The following LAMB4 variants were observed in gnomAD, a reference collection of about 807,000 sequenced individuals.
LAMB4 encodes the protein laminin subunit beta 4, also known as laminin subunit beta-4.
A neutral mutation model predicts 199.2 loss-of-function variants in LAMB4; 196 were observed. That is an observed-to-expected ratio of 0.98 (90% CI 0.88 to 1.11). LAMB4 has a LOEUF of 1.11. Among genes scored for constraint, LAMB4 ranks in the 50% least tolerant of loss-of-function variants. The probability of loss-of-function intolerance (pLI) is 0.00; values close to 1 mark genes in which losing one functional copy is unlikely to be tolerated. For synonymous variants in LAMB4, 744 were observed against 770.6 expected, an observed-to-expected ratio of 0.97 and a Z score of 0.57; for missense variants, 2,080 against 2,171.2, an observed-to-expected ratio of 0.96 and a Z score of 0.83.
intron 31 of LAMB4, 27 bp from the exon 32 acceptor site, chr7:108,031,006 G>A: frequency 6.3e-7 from 1 of 1,592,836 alleles, no homozygotes; most frequent in Non-Finnish European, 8.6e-7. Flanking sequence ...GACCAAAAAG[G>A]GAAAATCTCT....
At chr7:108,063,057 T>C (rs560815631) in intron 22 of LAMB4, 63 bp from the exon 23 acceptor site, 6 of 1,106,962 alleles carry the variant, frequency 5.4e-6, no homozygotes, top group East Asian at 2.7e-5. Flanking sequence ...TAGCAAACCA[T>C]ACAAACAGCG....
rs114598607 is a variant in LAMB4 at position 108,040,488 on chromosome 7, C to T, written c.4472-2893G>A. Among the ~76,000 whole-genome samples, 931 of 152,278 alleles carry T rather than the reference C, an allele frequency of 6.1e-3. 10 individuals are homozygous for T. Among genetic ancestry groups the T allele is most frequent in the African/African-American group, 0.02 (834 of 41,576 alleles). On this transcript the variant is annotated intron_variant, in intron 29 of 33. Transcript: ENST00000388781. The stretch of plus-strand genomic sequence containing the variant: ...GCAAAATGAACACAGCTAGAGACAT[C>T]GTGCTATCTGACTTCAAGCTGTAAT...
chr7:108,127,843 T>C (rs2038849007), intron 1 of LAMB4, among the ~76,000 whole-genome samples: 1 of 152,098 alleles, frequency 6.6e-6, no homozygotes, highest in African/African-American at 2.4e-5. Flanking sequence ...TACAGGACAT[T>C]TGGCAATGTT....
intron 17 of LAMB4, among the ~76,000 whole-genome samples, chr7:108,072,636 C>T (rs1394364182): frequency 6.6e-6 from 1 of 152,116 alleles, no homozygotes; most frequent in Non-Finnish European, 1.5e-5. Flanking sequence ...ACCTCTAACC[C>T]CATGCTCTCA....
At chr7:108,129,851 T>C (rs1029044773) in intron 1 of LAMB4, among the ~76,000 whole-genome samples, 1 of 152,260 alleles carries the variant, frequency 6.6e-6, no homozygotes, top group Non-Finnish European at 1.5e-5. Flanking sequence ...CTTTTAGTTA[T>C]AGCAGACTTG....
chr7:108,084,286 T>C (rs540973091), intron 14 of LAMB4, among the ~76,000 whole-genome samples: 1 of 152,148 alleles, frequency 6.6e-6, no homozygotes, highest in African/African-American at 2.4e-5. Flanking sequence ...TTATGACTCA[T>C]CAGAATCCTG....
chr7:108,059,144 C>T lies in LAMB4; in HGVS notation c.3283-1216G>A, dbSNP rs183758884. On this transcript the variant is annotated intron_variant, in intron 23 of 33. Coordinates refer to ENST00000388781, the MANE Select transcript of LAMB4 (RefSeq NM_007356.3). ...TTTTTGAGATGGAGTCTTGCTCAGT[C>T]GCCCAAGCTGGAGTGCAGTGGCGTG... Among the ~76,000 whole-genome samples the T allele has an allele frequency of 3.8e-3, 487 of 128,214 alleles. 2 individuals carry two copies. Among genetic ancestry groups the T allele is most frequent in the African/African-American group, 0.013 (461 of 35,656 alleles). 84.1% of individuals were successfully genotyped at this position (128,214 alleles called of 152,430 possible). A position where few individuals can be genotyped will look rare whatever the true frequency, so the allele number is the denominator to read the frequency against.
intron 29 of LAMB4, among the ~76,000 whole-genome samples, chr7:108,039,960 G>T (rs760251298): frequency 4.6e-5 from 7 of 152,200 alleles, no homozygotes; most frequent in Admixed American, 1.3e-4. Flanking sequence ...AATAGGAAGA[G>T]AGGAAGTCAA....
chr7:108,120,801 G>C (rs995170868), intron 2 of LAMB4, among the ~76,000 whole-genome samples: 2 of 151,980 alleles, frequency 1.3e-5, no homozygotes, highest in African/African-American at 4.8e-5. Context: ...GTTCCATCCT[G>C]GATTTTTTTT....
Position 108,118,435 on chromosome 7 carries a change from T to C in LAMB4, c.35-2274A>G, listed in dbSNP as rs377246966. Among the ~76,000 whole-genome samples the C allele has an allele frequency of 3.9e-5, 6 of 152,078 alleles. No homozygotes were observed. In the South Asian group the frequency reaches 1.2e-3, roughly 31 times the overall value. On this transcript the variant is annotated intron_variant, in intron 2 of 33. Transcript: ENST00000388781. Reference sequence around the variant, plus strand: ...CGATTTTGGCAGAGGAAAAGACACCTAGATCAATGGAACAGAATAGAGAAC... The same window carrying C: ...CGATTTTGGCAGAGGAAAAGACACCCAGATCAATGGAACAGAATAGAGAAC...
rs142244294 is a variant in LAMB4, at chr7:108,067,459, G to A, written c.2446+557C>T. 1.7e-4 allele frequency among the ~76,000 whole-genome samples: 26 copies of A among 152,372 alleles called. No homozygotes were observed. In the East Asian group the frequency reaches 5.0e-3, roughly 29 times the overall value. On this transcript the variant is annotated intron_variant, in intron 19 of 33. Transcript: ENST00000388781. ...CTATATACCTGAACATATTAGCCAT[G>A]AGAGCTGTATTATCAGCTGTGGATG...
chr7:108,069,668 A>C, intron 18 of LAMB4, 40 bp downstream of exon 18: 3 of 1,566,380 alleles, frequency 1.9e-6, no homozygotes, highest in Non-Finnish European at 2.6e-6. Flanking sequence ...ATTTGTATGG[A>C]TGTCAGTGCC....
Position 108,103,250 on chromosome 7 carries a change from T to C in LAMB4, c.992-18A>G. The C allele has an allele frequency of 1.3e-6, 2 of 1,532,590 alleles. No individual in the cohort carries two copies. The highest frequency in any genetic ancestry group is 1.8e-6 in the Non-Finnish European group (2 of 1,135,448). 94.9% of individuals were successfully genotyped at this position (1,532,590 alleles called of 1,614,324 possible). ...GCTGCACGCTGAAAGGAGAAGACAGTGACTGAGAGGTAGACTAAGGCCTCG... is the reference window on the plus strand; with the variant it reads ...GCTGCACGCTGAAAGGAGAAGACAGCGACTGAGAGGTAGACTAAGGCCTCG... On this transcript the variant is annotated intron_variant, in intron 9 of 33. Transcript: ENST00000388781.
intron 11 of LAMB4, among the ~76,000 whole-genome samples, chr7:108,096,702 C>T (rs1012738730): frequency 6.9e-6 from 1 of 144,432 alleles, no homozygotes; most frequent in South Asian, 2.2e-4. Context: ...GAAGGTGAGG[C>T]GGAAGGGTTG....
In LAMB4 at chr7:108,037,564, C is replaced by T. The variant is rs780001621; in HGVS notation, c.4503G>A (p.Lys1501=). The change falls in exon 30 of 34, where the codon AAG becomes AAA. Residue 1501 remains lysine (K), a synonymous_variant. Transcript: ENST00000388781. ...GAATGTCAAGCACACCATTCGCAAC[C>T]TTCTCGATGTCTTCTGGAGGCACGT... ...EENVPPEDIE[K]VANGVLDIHL... The T allele has an allele frequency of 1.3e-5, 21 of 1,614,138 alleles. 1 individual carries two copies. The South Asian group carries it at 2.0e-4, about 15-fold the overall frequency.
chr7:108,030,799 T>C lies in LAMB4; in HGVS notation c.4992+7A>G, dbSNP rs367966164. On this transcript the variant is annotated splice_region_variant and intron_variant, in intron 32 of 33. Transcript: ENST00000388781. ...CTGCTCTTGGTGGCAGTGGTAGAAC[T>C]AATGACCTTCTCAAGACTCCCAGCC... The C allele has an allele frequency of 6.2e-7, 1 of 1,613,478 alleles. No homozygotes were observed. Among genetic ancestry groups the C allele is most frequent in the African/African-American group, 1.3e-5 (1 of 74,900 alleles).
In LAMB4 at chr7:108,032,681, ACT is replaced by A. The variant is rs544905382; in HGVS notation, c.4818+1525_4818+1526del. Among the ~76,000 whole-genome samples, 353 of 144,998 alleles carry A rather than the reference ACT, an allele frequency of 2.4e-3. 4 individuals carry two copies. Among genetic ancestry groups the A allele is most frequent in the African/African-American group, 8.8e-3 (335 of 38,192 alleles). On this transcript the variant is annotated intron_variant, in intron 31 of 33. Transcript: ENST00000388781. ...AACCCAGGGGCAAGTTTTTCTACTG[ACT>A]CTGTGTGTTTGCGTGTGTGTGTGTG...
At chr7:108,115,043 G>A (rs1238277844) in intron 3 of LAMB4, among the ~76,000 whole-genome samples, 3 of 152,158 alleles carry the variant, frequency 2.0e-5, no homozygotes, top group African/African-American at 7.2e-5. Context: ...GAGCAATGAG[G>A]ACTCATGTTC....
chr7:108,029,096 T>A lies in LAMB4; in HGVS notation c.5093A>T (p.Asp1698Val). ...ATCTCCAGCCAATTTTTCTGCCGCATCTTTTAGCTGTTTAACTTTTCCTAA... is the reference window on the plus strand; with the variant it reads ...ATCTCCAGCCAATTTTTCTGCCGCAACTTTTAGCTGTTTAACTTTTCCTAA... ...ETLGKVKQLK[D>V]AAEKLAGDTE... Residue 1698 changes from aspartate to valine, a missense_variant, in exon 33 of 34, where the codon GAT becomes GTT. Asp to Val is a radical substitution (Grantham distance 152). Transcript: ENST00000388781. The A allele has an allele frequency of 1.2e-6, 2 of 1,614,180 alleles. No individual in the cohort carries two copies. Among genetic ancestry groups the A allele is most frequent in the Non-Finnish European group, 1.7e-6 (2 of 1,180,018 alleles).
Sources: allele counts gnomAD v4.1 joint callset (sites outside exome capture counted in the v4.1 genomes callset), GRCh38; gene constraint gnomAD v4.1.1; transcripts MANE v1.5; gene names NCBI Gene and HGNC (gene_info 2026-07-23, HGNC 2026-07-21).